Variants in IL1RAP observed in about 807,000 individuals in gnomAD.
The protein encoded by IL1RAP is interleukin-1 receptor accessory protein.
A neutral mutation model predicts 60.7 loss-of-function variants in IL1RAP; 35 were observed. That is an observed-to-expected ratio of 0.58 (90% CI 0.44 to 0.76). The LOEUF is 0.76. Ranked by LOEUF, IL1RAP falls within the 30% of genes least tolerant of loss-of-function variation. IL1RAP has a pLI of 0.00. For missense variants in IL1RAP, 572 were observed against 693.9 expected (o/e 0.82, Z 1.97); for synonymous variants, 268 against 250.9 (o/e 1.07, Z -0.64).
intron 1 of IL1RAP, among the ~76,000 whole-genome samples, chr3:190,544,898 TA>T (rs1293527320): frequency 6.6e-6 from 1 of 152,202 alleles, no homozygotes; most frequent in African/African-American, 2.4e-5. Context: ...TACTAAAGCA[TA>T]GCCTTTCAAA....
chr3:190,557,612 C>G (rs73060121), intron 2 of IL1RAP, among the ~76,000 whole-genome samples: 3,106 of 152,198 alleles, frequency 0.02, 101 homozygotes, highest in African/African-American at 0.07. Context: ...CATGTACCTC[C>G]ACTGCTAGGC....
At chr3:190,605,206 A>G (rs1277127036) in intron 4 of IL1RAP, among the ~76,000 whole-genome samples, 1 of 152,222 alleles carries the variant, frequency 6.6e-6, no homozygotes, top group Non-Finnish European at 1.5e-5. Context: ...GATATAATCC[A>G]AACAATTTAC....
chr3:190,608,283 A>G (rs2108762358), intron 4 of IL1RAP, among the ~76,000 whole-genome samples: 1 of 152,308 alleles, frequency 6.6e-6, no homozygotes, highest in East Asian at 1.9e-4. Flanking sequence ...CTAGGCTACC[A>G]ACCTGTATAG....
chr3:190,648,021 A>G (rs777771571), intron 11 of IL1RAP, among the ~76,000 whole-genome samples: 8 of 152,114 alleles, frequency 5.3e-5, no homozygotes, highest in Non-Finnish European at 1.0e-4. Context: ...TTTCAGTATA[A>G]TGTGTCTACT....
intron 7 of IL1RAP, among the ~76,000 whole-genome samples, chr3:190,624,190 C>G (rs1732028037): frequency 6.6e-6 from 1 of 152,214 alleles, no homozygotes; most frequent in South Asian, 2.1e-4. Context: ...ATGCGGGAAC[C>G]ATAGCCATAC....
intron 1 of IL1RAP, among the ~76,000 whole-genome samples, chr3:190,531,167 C>T (rs1275874795): frequency 6.6e-6 from 1 of 152,056 alleles, no homozygotes; most frequent in African/African-American, 2.4e-5. Context: ...GGGAGGGTCC[C>T]TTGAGCCTGG....
chr3:190,625,306 C>T (rs1732155351), intron 7 of IL1RAP: 1 of 152,108 alleles, frequency 6.6e-6, no homozygotes, highest in African/African-American at 2.4e-5. Flanking sequence ...TGCAGAAAAG[C>T]TGCATGGTTT....
intron 3 of IL1RAP, among the ~76,000 whole-genome samples, chr3:190,583,224 C>T (rs559090822): frequency 2.9e-4 from 44 of 152,358 alleles, no homozygotes; most frequent in African/African-American, 1.1e-3. Context: ...TCCATGACAA[C>T]AGGCAGATTT....
chr3:190,548,502 A>G (rs556896062), intron 1 of IL1RAP, among the ~76,000 whole-genome samples: 2 of 152,282 alleles, frequency 1.3e-5, no homozygotes, highest in African/African-American at 4.8e-5. Context: ...TGTCCTAGAG[A>G]AATGTTATTC....
intron 1 of IL1RAP, among the ~76,000 whole-genome samples, chr3:190,534,452 T>C (rs941614238): frequency 2.0e-5 from 3 of 152,152 alleles, no homozygotes; most frequent in Non-Finnish European, 4.4e-5. Flanking sequence ...ACTTCATAGC[T>C]GTAGGGACTC....
chr3:190,633,406 C>A (rs1732951524), intron 9 of IL1RAP, among the ~76,000 whole-genome samples: 1 of 152,088 alleles, frequency 6.6e-6, no homozygotes, highest in African/African-American at 2.4e-5. Context: ...ACTTAGGCTG[C>A]AGTGCAGTGG....
chr3:190,576,974 G>A (rs963904797), intron 3 of IL1RAP, among the ~76,000 whole-genome samples: 5 of 152,038 alleles, frequency 3.3e-5, no homozygotes, highest in African/African-American at 9.6e-5. Flanking sequence ...GGTGGCGGGC[G>A]CCTGTAGTCC....
intron 7 of IL1RAP, among the ~76,000 whole-genome samples, chr3:190,625,994 C>T (rs767578370): frequency 3.3e-5 from 5 of 152,074 alleles, no homozygotes; most frequent in South Asian, 2.1e-4. Flanking sequence ...AGTATGGCCA[C>T]GCAGTCAGGT....
chr3:190,649,958 A>G lies in IL1RAP; in HGVS notation c.*1253A>G. On this transcript the variant is annotated 3_prime_UTR_variant, in exon 12 of 12. Transcript: ENST00000447382. The stretch of plus-strand genomic sequence containing the variant: ...TATACATATATATACACACGTGTAT[A>G]TGAGATATATATCTTATATCTCCAC... The G allele has an allele frequency of 2.3e-5, 17 of 747,540 alleles. No homozygotes were observed. Among genetic ancestry groups the G allele is most frequent in the Non-Finnish European group, 2.8e-5 (17 of 613,180 alleles). The allele number at this position is 747,540 out of a possible 1,614,324, so 46.3% of individuals were successfully genotyped here.
At chr3:190,519,571 C>T (rs952007829) in intron 1 of IL1RAP, among the ~76,000 whole-genome samples, 2 of 152,022 alleles carry the variant, frequency 1.3e-5, no homozygotes, top group Non-Finnish European at 2.9e-5. Context: ...TTTGGAAACT[C>T]ATATAACCAG....
intron 1 of IL1RAP, among the ~76,000 whole-genome samples, chr3:190,522,187 T>C (rs1722080973): frequency 6.6e-6 from 1 of 152,122 alleles, no homozygotes; most frequent in Non-Finnish European, 1.5e-5. Context: ...AGGCTGAGCT[T>C]CGGAATCAGG....
chr3:190,592,523 C>T (rs920955311), intron 3 of IL1RAP, among the ~76,000 whole-genome samples: 4 of 152,162 alleles, frequency 2.6e-5, no homozygotes, highest in African/African-American at 4.8e-5. Context: ...TCAGCAGCTT[C>T]GTTAGACCAG....
chr3:190,523,519 C>T (rs1722257903), intron 1 of IL1RAP, among the ~76,000 whole-genome samples: 1 of 152,116 alleles, frequency 6.6e-6, no homozygotes, highest in African/African-American at 2.4e-5. Flanking sequence ...TCTCCCTCCT[C>T]CCACCTATCA....
rs1267794700 is a variant in IL1RAP, at chr3:190,638,054, AT to A, written c.1052-6191del. Among the ~76,000 whole-genome samples the A allele has an allele frequency of 2.0e-5, 3 of 152,112 alleles. No homozygotes were observed. The East Asian group carries it at 5.8e-4, about 29-fold the overall frequency. On this transcript the variant is annotated intron_variant, in intron 9 of 11. Coordinates refer to ENST00000447382, the MANE Select transcript of IL1RAP (RefSeq NM_002182.4). Reference sequence around the variant, plus strand: ...TTTATTCATTCTCTGGGTGGTGAACATTTGGGTTGTTATCAGTTTTGGGGTC... The same window carrying A: ...TTTATTCATTCTCTGGGTGGTGAACATTGGGTTGTTATCAGTTTTGGGGTC...
Sources: allele counts gnomAD v4.1 joint callset (sites outside exome capture counted in the v4.1 genomes callset), GRCh38; gene constraint gnomAD v4.1.1; transcripts MANE v1.5; gene names NCBI Gene and HGNC (gene_info 2026-07-23, HGNC 2026-07-21).